Variants in CLIC4 observed in about 807,000 individuals in gnomAD.
CLIC4 encodes chloride intracellular channel protein 4.
CLIC4 carries 13 observed loss-of-function variants against 24.6 expected under a neutral mutation model. The ratio of observed to expected loss-of-function variants is 0.53; its 90% confidence interval spans 0.34 to 0.84. The LOEUF is 0.84. Ranked by LOEUF, CLIC4 falls within the 40% of genes least tolerant of loss-of-function variation. The pLI is 0.01. For missense variants in CLIC4, 227 were observed against 301.7 expected, an observed-to-expected ratio of 0.75 and a Z score of 1.83; for synonymous variants, 104 against 111.3, an observed-to-expected ratio of 0.93 and a Z score of 0.41.
At chr1:24,836,771 G>A (rs901394336) in intron 4 of CLIC4, among the ~76,000 whole-genome samples, 6 of 152,198 alleles carry the variant, frequency 3.9e-5, no homozygotes, top group African/African-American at 9.7e-5. Context: ...CCAGGAGTTC[G>A]AGGTTGCAGT....
At chr1:24,753,119 T>C (rs1188985369) in intron 1 of CLIC4, among the ~76,000 whole-genome samples, 2 of 152,194 alleles carry the variant, frequency 1.3e-5, no homozygotes, top group Non-Finnish European at 2.9e-5. Context: ...TGAGGCTTTT[T>C]TTCTGGAAAT....
intron 2 of CLIC4, among the ~76,000 whole-genome samples, chr1:24,805,356 T>TTGAC (rs1165735219): frequency 2.6e-5 from 4 of 152,184 alleles, no homozygotes; most frequent in Non-Finnish European, 5.9e-5. Context: ...AATTAGTGAC[T>TTGAC]TGACTATCAG....
chr1:24,831,432 A>G (rs977587629), intron 4 of CLIC4, among the ~76,000 whole-genome samples: 2 of 152,140 alleles, frequency 1.3e-5, no homozygotes, highest in Non-Finnish European at 2.9e-5. Flanking sequence ...ATTCAGGAAA[A>G]ACATTAATTT....
chr1:24,759,822 C>T (rs924290654), intron 1 of CLIC4, among the ~76,000 whole-genome samples: 1 of 151,994 alleles, frequency 6.6e-6, no homozygotes, highest in Admixed American at 6.6e-5. Context: ...GGTGTGGTGG[C>T]ACGTGCCTGT....
At chr1:24,825,356 A>C (rs1266298938) in intron 3 of CLIC4, among the ~76,000 whole-genome samples, 1 of 152,126 alleles carries the variant, frequency 6.6e-6, no homozygotes, top group African/African-American at 2.4e-5. Context: ...AAACATTTAA[A>C]CTGGAGGCTT....
At chr1:24,776,007 T>G (rs1397485858) in intron 1 of CLIC4, among the ~76,000 whole-genome samples, 1 of 152,210 alleles carries the variant, frequency 6.6e-6, no homozygotes, top group Admixed American at 6.5e-5. Flanking sequence ...TTAACTTACC[T>G]GAATTCAAGC....
At chr1:24,751,178 CTT>C (rs560738278) in intron 1 of CLIC4, among the ~76,000 whole-genome samples, 1 of 148,520 alleles carries the variant, frequency 6.7e-6, no homozygotes, top group African/African-American at 2.5e-5. Flanking sequence ...GTACTCACCT[CTT>C]TTTTTTCTCC....
intron 1 of CLIC4, chr1:24,778,065 A>G (rs1234953860): frequency 6.6e-6 from 1 of 152,226 alleles, no homozygotes; most frequent in Non-Finnish European, 1.5e-5. Context: ...CTGGCAATTT[A>G]TCTTACTTGA....
intron 3 of CLIC4, among the ~76,000 whole-genome samples, chr1:24,818,367 A>G (rs1250488624): frequency 6.6e-6 from 1 of 151,988 alleles, no homozygotes; most frequent in Non-Finnish European, 1.5e-5. Flanking sequence ...GCTCACTACA[A>G]CCTCTGCCTC....
At chr1:24,810,002 C>G (rs1639596081) in intron 2 of CLIC4, among the ~76,000 whole-genome samples, 1 of 152,128 alleles carries the variant, frequency 6.6e-6, no homozygotes, top group Non-Finnish European at 1.5e-5. Flanking sequence ...TCCGTAAACC[C>G]AATTCAGTTA....
chr1:24,800,328 C>A (rs1329171934), intron 2 of CLIC4, among the ~76,000 whole-genome samples: 2 of 113,312 alleles, frequency 1.8e-5, no homozygotes, highest in Non-Finnish European at 3.7e-5. Flanking sequence ...CCAGCCGCCC[C>A]GTCCGGGAGG....
intron 1 of CLIC4, among the ~76,000 whole-genome samples, chr1:24,786,079 C>G (rs751015899): frequency 4.6e-5 from 7 of 152,064 alleles, no homozygotes; most frequent in African/African-American, 7.2e-5. Flanking sequence ...ACACATTACT[C>G]TATACGCTCC....
At chr1:24,840,245 T>A (rs542241918) in intron 5 of CLIC4, among the ~76,000 whole-genome samples, 12 of 151,844 alleles carry the variant, frequency 7.9e-5, no homozygotes, top group South Asian at 6.3e-4. Context: ...AAGATGAATA[T>A]TTTTTTTTCT....
At chr1:24,750,078 A>G (rs1197911437) in intron 1 of CLIC4, among the ~76,000 whole-genome samples, 4 of 152,002 alleles carry the variant, frequency 2.6e-5, no homozygotes, top group Non-Finnish European at 5.9e-5. Context: ...CCCTATCTCT[A>G]AATAAATAAG....
At chr1:24,812,436 A>G (rs1201740107) in intron 2 of CLIC4, among the ~76,000 whole-genome samples, 1 of 152,072 alleles carries the variant, frequency 6.6e-6, no homozygotes, top group Non-Finnish European at 1.5e-5. Context: ...TTATTTTGCC[A>G]AAAAGAAAAA....
intron 1 of CLIC4, among the ~76,000 whole-genome samples, chr1:24,753,303 G>A (rs1638802960): frequency 6.6e-6 from 1 of 152,186 alleles, no homozygotes; most frequent in Non-Finnish European, 1.5e-5. Flanking sequence ...CATGAACTAA[G>A]TGCTAATACT....
intron 4 of CLIC4, among the ~76,000 whole-genome samples, chr1:24,839,256 T>C (rs1400557132): frequency 1.3e-5 from 2 of 152,210 alleles, no homozygotes; most frequent in African/African-American, 2.4e-5. Flanking sequence ...AGTTTAAATG[T>C]CAAATGTGTT....
chr1:24,750,932 A>G (rs1169567689), intron 1 of CLIC4, among the ~76,000 whole-genome samples: 1 of 151,980 alleles, frequency 6.6e-6, no homozygotes, highest in Non-Finnish European at 1.5e-5. Context: ...CCTTGAGGAT[A>G]GGGTGTGCAT....
Position 24,819,457 on chromosome 1 carries a change from G to A in CLIC4, c.308+5238G>A, listed in dbSNP as rs148062949. ...GAAATAACTTTTTTTTTTTTTTTGAGACGGAGTTTCACTTTTGTTGCCCAG... is the reference window on the plus strand; with the variant it reads ...GAAATAACTTTTTTTTTTTTTTTGAAACGGAGTTTCACTTTTGTTGCCCAG... On this transcript the variant is annotated intron_variant, in intron 3 of 5. Coordinates refer to ENST00000374379, the MANE Select transcript of CLIC4 (RefSeq NM_013943.3). 1.2e-3 allele frequency among the ~76,000 whole-genome samples: 171 copies of A among 148,272 alleles called. 1 individual carries two copies. Among genetic ancestry groups the A allele is most frequent in the African/African-American group, 4.0e-3 (162 of 40,356 alleles).
Sources: allele counts gnomAD v4.1 joint callset (sites outside exome capture counted in the v4.1 genomes callset), GRCh38; gene constraint gnomAD v4.1.1; transcripts MANE v1.5; gene names NCBI Gene and HGNC (gene_info 2026-07-23, HGNC 2026-07-21).